The following STOX2 variants were observed in gnomAD, a reference collection of about 807,000 sequenced individuals.
The protein encoded by STOX2 is storkhead-box protein 2.
Under a neutral mutation model 60.9 loss-of-function variants are expected in STOX2, and 28 were observed. That is an observed-to-expected ratio of 0.46 (90% confidence interval 0.34 to 0.63). STOX2 has a LOEUF of 0.63. Among genes scored for constraint, STOX2 ranks in the 30% least tolerant of loss-of-function variants. The probability of loss-of-function intolerance (pLI) is 0.01; values close to 1 mark genes in which losing one functional copy is unlikely to be tolerated. For synonymous variants in STOX2, 472 were observed against 463.9 expected, an observed-to-expected ratio of 1.02 and a Z score of -0.22; for missense variants, 1,024 against 1,187.7, an observed-to-expected ratio of 0.86 and a Z score of 2.03.
chr4:183,833,558 C>T (rs867093862), intron 1 of STOX2, among the ~76,000 whole-genome samples: 6 of 151,156 alleles, frequency 4.0e-5, no homozygotes, highest in Admixed American at 2.0e-4. Context: ...TTCAAGTGGT[C>T]GCAACAGAGA....
chr4:184,003,044 A>G (rs1410327868), intron 2 of STOX2, among the ~76,000 whole-genome samples: 3 of 152,242 alleles, frequency 2.0e-5, no homozygotes, highest in Non-Finnish European at 4.4e-5. Flanking sequence ...AGTCCTAGGC[A>G]AACGCCTTTC....
chr4:183,995,291 C>CTTTTTT lies in STOX2; in HGVS notation c.167-6007_167-6002dup, dbSNP rs61681165. On this transcript the variant is annotated intron_variant, in intron 1 of 3. Coordinates refer to ENST00000308497, the MANE Select transcript of STOX2 (RefSeq NM_020225.3). ...ATAAAGGACAGGGCTTTATTTTAGTCTTTTTTTTTTTTTTTTTTTTTTTTT... is the reference window on the plus strand; with the variant it reads ...ATAAAGGACAGGGCTTTATTTTAGTCTTTTTTTTTTTTTTTTTTTTTTTTTTTTTTT... Among the ~76,000 whole-genome samples the CTTTTTT allele has an allele frequency of 1.3e-3, 104 of 79,440 alleles. 3 individuals are homozygous for CTTTTTT. Among genetic ancestry groups the CTTTTTT allele is most frequent in the African/African-American group, 4.0e-3 (64 of 16,124 alleles). The allele number at this position is 79,440 out of a possible 152,430, so 52.1% of individuals were successfully genotyped here.
rs1468272403 is a variant in STOX2 at position 184,021,904 on chromosome 4, C to T, written c.*4620C>T. On this transcript the variant is annotated 3_prime_UTR_variant, in exon 4 of 4. Transcript: ENST00000308497. Reference sequence around the variant, plus strand: ...CACGTGCTGCCAGACCTCAGTGGGCCCAAGCAGGAGCAATCTCTTCTATCC... The same window carrying T: ...CACGTGCTGCCAGACCTCAGTGGGCTCAAGCAGGAGCAATCTCTTCTATCC... 1 of 152,270 alleles carries T rather than the reference C, an allele frequency of 6.6e-6. No homozygotes were observed. Among genetic ancestry groups the T allele is most frequent in the Non-Finnish European group, 1.5e-5 (1 of 68,208 alleles). The allele number at this position is 152,270 out of a possible 1,614,324, so 9.4% of individuals were successfully genotyped here.
At chr4:183,904,336 T>C (rs1372669946), upstream of STOX2, among the ~76,000 whole-genome samples, 1 of 152,274 alleles carries the variant, frequency 6.6e-6, no homozygotes, top group African/African-American at 2.4e-5. Context: ...GTCCATGGCC[T>C]GGGAATTGGG....
chr4:183,946,637 T>TG (rs781183161), intron 1 of STOX2, among the ~76,000 whole-genome samples: 1 of 151,450 alleles, frequency 6.6e-6, no homozygotes, highest in African/African-American at 2.4e-5. Flanking sequence ...GTTTTTTTTT[T>TG]TTTTTTGTGA....
At chr4:183,852,433 GGATGAGGGAAAGGTTGAGAGAAAC>G (rs1322592488) in intron 1 of STOX2, among the ~76,000 whole-genome samples, 7 of 39,868 alleles carry the variant, frequency 1.8e-4, no homozygotes, top group South Asian at 1.4e-3. Flanking sequence ...ATGAGAGAAA[GGATGAGGGAAAGGTTGAGAGAAAC>G]GATGAGGGAA....
chr4:183,982,604 G>A (rs1189092897), intron 1 of STOX2, among the ~76,000 whole-genome samples: 1 of 152,116 alleles, frequency 6.6e-6, no homozygotes, highest in Non-Finnish European at 1.5e-5. Flanking sequence ...GTTTGTGCTA[G>A]TATTCTACCC....
intron 1 of STOX2, among the ~76,000 whole-genome samples, chr4:183,872,118 C>T (rs573659397): frequency 1.3e-5 from 2 of 152,010 alleles, no homozygotes; most frequent in African/African-American, 4.8e-5. Context: ...TATAGTGGCG[C>T]AATCTTGGCT....
At position 184,020,704 on chromosome 4, in the gene STOX2, A is replaced by C. The variant is rs1734551881; in HGVS notation, c.*3420A>C. On this transcript the variant is annotated 3_prime_UTR_variant, in exon 4 of 4. Coordinates refer to ENST00000308497, the MANE Select transcript of STOX2 (RefSeq NM_020225.3). Reference sequence around the variant, plus strand: ...GAAAGGGGGGGGGGTGCCATCAAATAGAGAAAACAAATAGAAGAGGTGAAT... The same window carrying C: ...GAAAGGGGGGGGGGTGCCATCAAATCGAGAAAACAAATAGAAGAGGTGAAT... The C allele has an allele frequency of 6.6e-6, 1 of 151,966 alleles. No individual in the cohort carries two copies. The highest frequency in any genetic ancestry group is 1.5e-5 in the Non-Finnish European group (1 of 68,028). The allele number at this position is 151,966 out of a possible 1,614,324, so 9.4% of individuals were successfully genotyped here.
chr4:183,968,533 A>G (rs1345969385), intron 1 of STOX2, among the ~76,000 whole-genome samples: 1 of 152,112 alleles, frequency 6.6e-6, no homozygotes, highest in East Asian at 1.9e-4. Context: ...ATCTGGCCAG[A>G]ATTTACTAAG....
At chr4:183,951,181 C>G (rs530537962) in intron 1 of STOX2, among the ~76,000 whole-genome samples, 74 of 149,544 alleles carry the variant, frequency 4.9e-4, no homozygotes, top group Middle Eastern at 3.5e-3. Flanking sequence ...CGCCACTGCA[C>G]TCCAGCCTGG....
intron 1 of STOX2, among the ~76,000 whole-genome samples, chr4:183,882,029 G>T (rs994491650): frequency 6.6e-6 from 1 of 152,188 alleles, no homozygotes; most frequent in African/African-American, 2.4e-5. Flanking sequence ...GGACATATGC[G>T]CTGTGGCCAG....
intron 1 of STOX2, among the ~76,000 whole-genome samples, chr4:183,950,937 C>T (rs567918522): frequency 1.5e-4 from 23 of 152,194 alleles, no homozygotes; most frequent in African/African-American, 4.1e-4. Context: ...GTAGTGCGGC[C>T]GGGCGCGGTG....
Position 184,018,334 on chromosome 4 carries a change from G to A in STOX2, c.*1050G>A, listed in dbSNP as rs1734458870. ...TTAAATAGAATGCCTAAATTAGGCT[G>A]TGGGAGATAATTTTTAGTGGTTGTA... On this transcript the variant is annotated 3_prime_UTR_variant, in exon 4 of 4. Transcript: ENST00000308497. The A allele has an allele frequency of 6.6e-6, 1 of 152,210 alleles. No individual in the cohort carries two copies. The highest frequency in any genetic ancestry group is 1.5e-5 in the Non-Finnish European group (1 of 68,032). The allele number at this position is 152,210 out of a possible 1,614,324, so 9.4% of individuals were successfully genotyped here.
At chr4:183,934,741 C>T (rs961817419) in intron 1 of STOX2, among the ~76,000 whole-genome samples, 1 of 152,256 alleles carries the variant, frequency 6.6e-6, no homozygotes, top group Admixed American at 6.5e-5. Flanking sequence ...TATCTACACA[C>T]ATAATTTCAA....
At chr4:183,798,552 C>T in intron 1 of STOX2, 1 of 923,168 alleles carries the variant, frequency 1.1e-6, no homozygotes, top group Non-Finnish European at 1.3e-6. Flanking sequence ...GGGGGACGCG[C>T]CGGGAAGCTA....
chr4:183,854,958 G>C (rs1001429759), intron 1 of STOX2, among the ~76,000 whole-genome samples: 1 of 152,098 alleles, frequency 6.6e-6, no homozygotes, highest in African/African-American at 2.4e-5. Flanking sequence ...CTAGTGTCCC[G>C]AATATGAAAT....
intron 1 of STOX2, among the ~76,000 whole-genome samples, chr4:183,881,944 C>T (rs578076411): frequency 8.5e-5 from 13 of 152,272 alleles, no homozygotes; most frequent in African/African-American, 2.6e-4. Flanking sequence ...TAACGTATTT[C>T]GACTGGTTTG....
At chr4:183,898,387 G>A (rs928991409) in intron 1 of STOX2, among the ~76,000 whole-genome samples, 49 of 152,294 alleles carry the variant, frequency 3.2e-4, no homozygotes, top group African/African-American at 1.1e-3. Context: ...AGACCCCAGA[G>A]GTTGGGAGAC....
Sources: gnomAD v4.1 joint callset for allele counts (sites outside exome capture counted in the v4.1 genomes callset) on GRCh38, gnomAD v4.1.1 for gene constraint, MANE v1.5 for transcripts, NCBI Gene and HGNC (gene_info 2026-07-23, HGNC 2026-07-21) for gene names.